The following KCNN2 variants were observed in gnomAD, a reference collection of about 807,000 sequenced individuals.
KCNN2 encodes the protein small conductance calcium-activated potassium channel protein 2.
A neutral mutation model predicts 55.5 loss-of-function variants in KCNN2; 24 were observed. The ratio of observed to expected loss-of-function variants is 0.43; its 90% CI spans 0.31 to 0.61. KCNN2 has a LOEUF of 0.61. KCNN2 is among the 20% of genes least tolerant of loss of function. The pLI, the probability that KCNN2 is intolerant of heterozygous loss-of-function variation, is 0.08. For synonymous variants in KCNN2, 431 were observed against 336.1 expected (o/e 1.28, Z -3.09); for missense variants, 754 against 853.6 (o/e 0.88, Z 1.45).
intron 1 of KCNN2, among the ~76,000 whole-genome samples, chr5:114,101,282 T>A (rs1437538108): frequency 1.3e-5 from 2 of 151,886 alleles, no homozygotes; most frequent in Non-Finnish European, 2.9e-5. Flanking sequence ...CCCATAAATA[T>A]GATTCAAACT....
chr5:114,148,603 A>T (rs1752452349), intron 1 of KCNN2, among the ~76,000 whole-genome samples: 1 of 152,120 alleles, frequency 6.6e-6, no homozygotes, highest in Non-Finnish European at 1.5e-5. Context: ...CGAAAGAAAC[A>T]GTAGGCTTAG....
intron 1 of KCNN2, among the ~76,000 whole-genome samples, chr5:114,182,172 A>T (rs1030422093): frequency 6.6e-6 from 1 of 152,046 alleles, no homozygotes; most frequent in Non-Finnish European, 1.5e-5. Flanking sequence ...TGACTTTAGA[A>T]TTATCAATCT....
At chr5:114,210,502 TG>T (rs1347867411) in intron 1 of KCNN2, among the ~76,000 whole-genome samples, 1 of 152,212 alleles carries the variant, frequency 6.6e-6, no homozygotes, top group Non-Finnish European at 1.5e-5. Flanking sequence ...TATACAAGCT[TG>T]TAAAAGTAGT....
At chr5:114,134,444 T>A (rs933386423) in intron 1 of KCNN2, among the ~76,000 whole-genome samples, 10 of 148,838 alleles carry the variant, frequency 6.7e-5, no homozygotes, top group Non-Finnish European at 1.5e-5. Flanking sequence ...ACTTTAACTT[T>A]GCAATCCAAC....
chr5:114,449,988 CACA>C (rs1264584215), intron 3 of KCNN2, among the ~76,000 whole-genome samples: 2 of 152,088 alleles, frequency 1.3e-5, no homozygotes, highest in Non-Finnish European at 2.9e-5. Flanking sequence ...AGGGTATTCC[CACA>C]ACATCACCTC....
intron 2 of KCNN2, among the ~76,000 whole-genome samples, chr5:114,293,121 A>C (rs376715120): frequency 6.6e-6 from 1 of 152,210 alleles, no homozygotes; most frequent in East Asian, 1.9e-4. Flanking sequence ...TAGATATACA[A>C]TCATGTCATC....
At chr5:114,105,075 C>G (rs1325916215) in intron 1 of KCNN2, among the ~76,000 whole-genome samples, 1 of 151,964 alleles carries the variant, frequency 6.6e-6, no homozygotes, top group Non-Finnish European at 1.5e-5. Context: ...ATTATATACC[C>G]CAGGAAATGT....
rs1307649967 is a variant in KCNN2 at position 114,402,768 on chromosome 5, G to A, written c.1219-1670G>A. On this transcript the variant is annotated intron_variant, in intron 2 of 7. Transcript: ENST00000673685. Reference sequence around the variant, plus strand: ...TCAGCTGAGCTTGAAGGCACAGGTGGGTGGTGGCCATAGGCCACCTGCAGC... The same window carrying A: ...TCAGCTGAGCTTGAAGGCACAGGTGAGTGGTGGCCATAGGCCACCTGCAGC... Among the ~76,000 whole-genome samples the A allele has an allele frequency of 2.0e-5, 3 of 152,334 alleles. No individual in the cohort carries two copies. The South Asian group carries it at 6.2e-4, about 32-fold the overall frequency.
intron 1 of KCNN2, among the ~76,000 whole-genome samples, chr5:114,127,339 C>A (rs76834445): frequency 0.011 from 1,678 of 152,286 alleles, 40 homozygotes; most frequent in African/African-American, 0.038. Flanking sequence ...TTCCGTACAT[C>A]CTGAGAAATC....
intron 1 of KCNN2, among the ~76,000 whole-genome samples, chr5:114,125,412 A>T (rs902828976): frequency 6.6e-6 from 1 of 152,214 alleles, no homozygotes; most frequent in East Asian, 1.9e-4. Context: ...CATGCTAATC[A>T]GCATCATTGG....
intron 2 of KCNN2, among the ~76,000 whole-genome samples, chr5:114,334,306 GTGTA>G (rs1309034709): frequency 4.6e-5 from 6 of 130,180 alleles, no homozygotes; most frequent in Admixed American, 8.4e-5. Flanking sequence ...GTGTGTGTGT[GTGTA>G]TAAGGCTCTG....
At chr5:114,117,114 T>A (rs1751722083) in intron 1 of KCNN2, among the ~76,000 whole-genome samples, 1 of 152,140 alleles carries the variant, frequency 6.6e-6, no homozygotes, top group South Asian at 2.1e-4. Context: ...AATTTCTGGC[T>A]TACTTTTTAC....
At chr5:114,308,717 T>C (rs1164959705) in intron 2 of KCNN2, among the ~76,000 whole-genome samples, 1 of 152,124 alleles carries the variant, frequency 6.6e-6, no homozygotes, top group East Asian at 1.9e-4. Flanking sequence ...TGTTGCATAA[T>C]AGTTGTGCAA....
intron 2 of KCNN2, among the ~76,000 whole-genome samples, chr5:114,373,234 A>G (rs896240885): frequency 6.6e-6 from 1 of 151,996 alleles, no homozygotes; most frequent in African/African-American, 2.4e-5. Flanking sequence ...GGACTCCTCT[A>G]CCTTCCTAAT....
intron 1 of KCNN2, among the ~76,000 whole-genome samples, chr5:114,164,515 C>T (rs1048319991): frequency 6.6e-6 from 1 of 151,984 alleles, no homozygotes; most frequent in African/African-American, 2.4e-5. Context: ...GTTGAGGTGA[C>T]ATGTGAGTGG....
At chr5:114,244,836 A>T (rs1300476358) in intron 2 of KCNN2, among the ~76,000 whole-genome samples, 2 of 152,156 alleles carry the variant, frequency 1.3e-5, no homozygotes, top group Admixed American at 1.3e-4. Flanking sequence ...AAAGTCACAA[A>T]TACAAATTCA....
chr5:114,082,050 G>A (rs1363512722), intron 1 of KCNN2, among the ~76,000 whole-genome samples: 12 of 152,204 alleles, frequency 7.9e-5, no homozygotes, highest in Non-Finnish European at 1.8e-4. Flanking sequence ...ATATAAAAAT[G>A]TCCAGTAAGC....
rs1196354188 is a variant in KCNN2, at chr5:114,362,659, G to A, written c.520G>A (p.Gly174Ser). The A allele has an allele frequency of 2.9e-6, 4 of 1,371,634 alleles. No individual in the cohort carries two copies. The highest frequency in any genetic ancestry group is 5.9e-5 in the Admixed American group (2 of 33,996). The allele number at this position is 1,371,634 out of a possible 1,614,324, so 85.0% of individuals were successfully genotyped here. Residue 174 changes from glycine (G) to serine (S), a missense_variant, in exon 1 of 8, where the codon GGC (glycine) becomes AGC (serine). Transcript: ENST00000673685. Reference protein sequence around the residue: ...QPAASPTGSLGSLGSGPPLSH... With the variant: ...QPAASPTGSLSSLGSGPPLSH... Reference sequence around the variant, plus strand: ...CGCCGCCAGCCCCACGGGCAGCCTCGGCAGTCTGGGCTCCGGGCCCCCGCT... The same window carrying A: ...CGCCGCCAGCCCCACGGGCAGCCTCAGCAGTCTGGGCTCCGGGCCCCCGCT...
Position 114,362,664 on chromosome 5 carries a change from T to C in KCNN2, c.525T>C (p.Ser175=). The part of the protein sequence containing the change: ...PAASPTGSLG[S]LGSGPPLSHH... ...CCAGCCCCACGGGCAGCCTCGGCAG[T>C]CTGGGCTCCGGGCCCCCGCTCTCGC... Residue 175 remains serine, a synonymous_variant, in exon 1 of 8, where the codon AGT becomes AGC. Transcript: ENST00000673685. 5 of 1,395,762 alleles carry C rather than the reference T, an allele frequency of 3.6e-6. No homozygotes were observed. Among genetic ancestry groups the C allele is most frequent in the Middle Eastern group, 2.0e-4 (1 of 4,988 alleles). 86.5% of individuals were successfully genotyped at this position (1,395,762 alleles called of 1,614,324 possible).
Sources: gnomAD v4.1 joint callset for allele counts (sites outside exome capture counted in the v4.1 genomes callset) on GRCh38, gnomAD v4.1.1 for gene constraint, MANE v1.5 for transcripts, NCBI Gene and HGNC (gene_info 2026-07-23, HGNC 2026-07-21) for gene names.